NXF3: variants seen among roughly 807,000 people sequenced by gnomAD.
The protein encoded by NXF3 is TAP-like protein 3.
NXF3 carries 34 observed loss-of-function variants against 48.4 expected under a neutral mutation model. The ratio of observed to expected loss-of-function variants is 0.70; its 90% confidence interval spans 0.53 to 0.93. The LOEUF is 0.93. Among genes scored for constraint, NXF3 ranks in the 40% least tolerant of loss-of-function variants. The pLI is 0.00. For missense variants in NXF3, 359 were observed against 406.1 expected (o/e 0.88, Z 1.00); for synonymous variants, 132 against 145.7 (o/e 0.91, Z 0.68).
intron 1 of NXF3, chrX:103,088,036 C>T (rs1242332954): frequency 3.3e-6 from 3 of 911,681 alleles, no homozygotes; most frequent in Non-Finnish European, 3.1e-6. Flanking sequence ...GTAGAATAAT[C>T]CACTTTATGT....
Position 103,084,263 on chromosome X carries a change from A to G in NXF3, c.351+79T>C. The G allele has an allele frequency of 2.7e-6, 3 of 1,098,760 alleles. No homozygotes were observed. In the South Asian group the frequency reaches 6.0e-5, roughly 22 times the overall value. The allele number at this position is 1,098,760 out of a possible 1,213,427, so 90.6% of individuals were successfully genotyped here. ...CATACTTTCCTGCCCTTACAAAAGT[A>G]TCTAGTGTCCACACAAATCCAACAC... On this transcript the variant is annotated intron_variant, in intron 3 of 19. Coordinates refer to ENST00000395065, the MANE Select transcript of NXF3 (RefSeq NM_022052.2).
At chrX:103,082,726 C>T (rs775285401) in intron 8 of NXF3, 34 bp downstream of exon 8, 2 of 1,100,261 alleles carry the variant, frequency 1.8e-6, no homozygotes, top group East Asian at 6.0e-5. Context: ...CTTCCACCTT[C>T]ACCCTCAATC....
At chrX:103,092,936 G>A in intron 1 of NXF3, 60 bp downstream of exon 1, 1 of 1,100,254 alleles carries the variant, frequency 9.1e-7, no homozygotes. Context: ...GTGGGGAAGG[G>A]GGCTCAGTCC....
Position 103,075,967 on chromosome X carries a change from C to A in NXF3, c.*83G>T. On this transcript the variant is annotated 3_prime_UTR_variant, in exon 20 of 20. Transcript: ENST00000395065. ...TTGGGCTTCGGCTTCTTAGCCCCAG[C>A]CAGATCTCCTGGTTCAGTCACAGGG... The A allele has an allele frequency of 3.4e-6, 1 of 297,892 alleles. No homozygotes were observed. 24.5% of individuals were successfully genotyped at this position (297,892 alleles called of 1,213,427 possible).
chrX:103,088,954 C>A, intron 1 of NXF3: 1 of 1,184,335 alleles, frequency 8.4e-7, no homozygotes, highest in South Asian at 1.8e-5. Context: ...AAGGCAGACT[C>A]ACAGGATTTT....
intron 1 of NXF3, among the ~76,000 whole-genome samples, chrX:103,086,654 C>T (rs1360669529): frequency 9.3e-6 from 1 of 106,995 alleles, no homozygotes; most frequent in Admixed American, 1.0e-4. Flanking sequence ...AATTAAAAGG[C>T]ACAGAGTATC....
rs1211922672 is a variant in NXF3, at chrX:103,084,839, T to G, written c.73A>C (p.Ile25Leu). The G allele has an allele frequency of 2.5e-6, 3 of 1,211,655 alleles. No homozygotes were observed. The South Asian group carries it at 5.3e-5, about 21-fold the overall frequency. The change falls in exon 2 of 20, where the codon ATT becomes CTT. Residue 25 changes from isoleucine to leucine, a missense_variant. Coordinates refer to ENST00000395065, the MANE Select transcript of NXF3 (RefSeq NM_022052.2). ...VVQRRARCWDIYQRRFSSRSE... is the reference protein window; with the variant it reads ...VVQRRARCWDLYQRRFSSRSE... ...CTACTGCTAAATCTCCTTTGGTAAA[T>G]ATCCCAACATCTTGCTCTTCTTTGA...
intron 1 of NXF3, chrX:103,088,876 C>G: frequency 8.4e-7 from 1 of 1,187,889 alleles, no homozygotes; most frequent in East Asian, 3.0e-5. Context: ...TATAATGATT[C>G]CCAACAATGT....
At chrX:103,089,364 C>A (rs1042845044) in intron 1 of NXF3, 5 of 323,621 alleles carry the variant, frequency 1.5e-5, no homozygotes, top group African/African-American at 8.1e-5. Context: ...TATCAAGAGG[C>A]CTGCATTAAA....
chrX:103,084,240 T>C, intron 3 of NXF3, 102 bp downstream of exon 3: 1 of 952,660 alleles, frequency 1.0e-6, no homozygotes, highest in Non-Finnish European at 1.5e-6. Context: ...ACAGATTACA[T>C]ACTTTCCTGC....
At position 103,078,456 on chromosome X, in the gene NXF3, G is replaced by T. The variant is rs944787577; in HGVS notation, c.1451+104C>A. ...CTCTTAACTATTAGACTAGACTGTC[G>T]GTTTTTTACAACATTGAGAACACCC... On this transcript the variant is annotated intron_variant, in intron 17 of 19. Coordinates refer to ENST00000395065, the MANE Select transcript of NXF3 (RefSeq NM_022052.2). 5.3e-6 allele frequency: 6 copies of T among 1,121,706 alleles called. No homozygotes were observed. The Admixed American group carries it at 1.1e-4, about 21-fold the overall frequency. 92.4% of individuals were successfully genotyped at this position (1,121,706 alleles called of 1,213,427 possible). A position where few individuals can be genotyped will look rare whatever the true frequency, so the allele number is the denominator to read the frequency against.
intron 18 of NXF3, 59 bp from the exon 19 acceptor site, chrX:103,076,360 A>G: frequency 1.8e-6 from 2 of 1,086,993 alleles, no homozygotes; most frequent in South Asian, 1.9e-5. Context: ...CACTCTGACA[A>G]TACAATGCCA....
At chrX:103,081,686 C>T (rs1394192121) in intron 9 of NXF3, 1 of 113,233 alleles carries the variant, frequency 8.8e-6, no homozygotes, top group African/African-American at 3.2e-5. Context: ...GGTTTCTCCC[C>T]AAGGAGGGCC....
At chrX:103,081,415 G>C (rs1413709294) in intron 9 of NXF3, 1 of 112,348 alleles carries the variant, frequency 8.9e-6, no homozygotes, top group East Asian at 2.9e-4. Context: ...CCCCTCTCCC[G>C]ACCACTGCAT....
intron 1 of NXF3, chrX:103,089,068 T>C: frequency 9.2e-7 from 1 of 1,085,966 alleles, no homozygotes; most frequent in Non-Finnish European, 1.3e-6. Flanking sequence ...AAAAATGATG[T>C]CTTCCTGTAC....
chrX:103,093,121 A>G lies in NXF3; in HGVS notation c.-98T>C. 1.2e-6 allele frequency: 1 copy of G among 809,793 alleles called. No homozygotes were observed. The highest frequency in any genetic ancestry group is 3.2e-5 in the East Asian group (1 of 31,586). 66.7% of individuals were successfully genotyped at this position (809,793 alleles called of 1,213,427 possible). ...GAGGAGGGCTGCTGACGAAGGCGAG[A>G]GCAAGCCTCAAGCCTTGCTTACAGG... On this transcript the variant is annotated 5_prime_UTR_variant, in exon 1 of 20. Coordinates refer to ENST00000395065, the MANE Select transcript of NXF3 (RefSeq NM_022052.2).
At position 103,089,813 on chromosome X, in the gene NXF3, G is replaced by A. The variant is rs371032558; in HGVS notation, c.28+3183C>T. Among the ~76,000 whole-genome samples the A allele has an allele frequency of 6.5e-4, 73 of 111,806 alleles. No individual in the cohort carries two copies. The South Asian group carries it at 0.016, about 24-fold the overall frequency. On this transcript the variant is annotated intron_variant, in intron 1 of 19. Transcript: ENST00000395065. Reference sequence around the variant, plus strand: ...AGAGGCACTAAAGGTGAAAATGGATGAGAAAATTATAGTATTTTTTCATTG... The same window carrying A: ...AGAGGCACTAAAGGTGAAAATGGATAAGAAAATTATAGTATTTTTTCATTG...
At chrX:103,088,294 T>A in intron 1 of NXF3, 1 of 560,767 alleles carries the variant, frequency 1.8e-6, no homozygotes, top group Non-Finnish European at 2.9e-6. Context: ...CTTGAAAAAT[T>A]GTGATCGTAT....
In NXF3 at chrX:103,084,242, C is replaced by G. The variant is rs140986404; in HGVS notation, c.351+100G>C. ...CTAGTAATAAAGGACAGATTACATA[C>G]TTTCCTGCCCTTACAAAAGTATCTA... On this transcript the variant is annotated intron_variant, in intron 3 of 19. Coordinates refer to ENST00000395065, the MANE Select transcript of NXF3 (RefSeq NM_022052.2). The G allele has an allele frequency of 7.3e-6, 7 of 959,806 alleles. No homozygotes were observed. The East Asian group carries it at 2.2e-4, about 29-fold the overall frequency. 79.1% of individuals were successfully genotyped at this position (959,806 alleles called of 1,213,427 possible). A position where few individuals can be genotyped will look rare whatever the true frequency, so the allele number is the denominator to read the frequency against.
Sources: allele counts gnomAD v4.1 joint callset (sites outside exome capture counted in the v4.1 genomes callset), GRCh38; gene constraint gnomAD v4.1.1; transcripts MANE v1.5; gene names NCBI Gene and HGNC (gene_info 2026-07-23, HGNC 2026-07-21).